The following CLPSL1 variants were observed in gnomAD, a reference collection of about 807,000 sequenced individuals.
The protein encoded by CLPSL1 is colipase-like protein 1.
In CLPSL1, 13 loss-of-function variants were observed where a neutral mutation model predicts 9.3. The observed-to-expected ratio is 1.40, with a 90% CI of 0.91 to 2.22. CLPSL1 has a LOEUF of 2.22. CLPSL1 is among the 30% of genes most tolerant of loss of function. The pLI is 0.00. For missense variants in CLPSL1, 164 were observed against 146.6 expected (o/e 1.12, Z -0.61); for synonymous variants, 58 against 56.9 (o/e 1.02, Z -0.08).
At chr6:35,791,563 G>A (rs143392372), downstream of CLPSL1, among the ~76,000 whole-genome samples, 257 of 152,036 alleles carry the variant, frequency 1.7e-3, no homozygotes, top group African/African-American at 5.7e-3. Flanking sequence ...AGCCGAGATC[G>A]TGCCATTGCA....
rs775598307 is a variant in CLPSL1, at chr6:35,781,083, C to G, written c.-28C>G. 6.2e-7 allele frequency: 1 copy of G among 1,612,314 alleles called. No homozygotes were observed. The highest frequency in any genetic ancestry group is 8.5e-7 in the Non-Finnish European group (1 of 1,179,092). ...GGCGTGCAGGATATTTCGCTGGACC[C>G]TAGAAAAGCCACCACGACCTGTGGG... is the stretch of plus-strand genomic sequence containing the variant. On this transcript the variant is annotated 5_prime_UTR_variant, in exon 1 of 3. Transcript: ENST00000373861.
At chr6:35,784,298 A>T (rs1452057893) in intron 1 of CLPSL1, among the ~76,000 whole-genome samples, 2 of 152,182 alleles carry the variant, frequency 1.3e-5, no homozygotes, top group African/African-American at 4.8e-5. Flanking sequence ...GAGGAGAGCA[A>T]GGTTTTATCA....
chr6:35,783,936 C>T (rs891165579), intron 1 of CLPSL1, among the ~76,000 whole-genome samples: 13 of 151,940 alleles, frequency 8.6e-5, no homozygotes, highest in Admixed American at 6.6e-4. Context: ...AGTGCAGTTA[C>T]TAGTGTGAAC....
downstream of CLPSL1, among the ~76,000 whole-genome samples, chr6:35,791,104 A>C (rs1173667503): frequency 6.6e-6 from 1 of 152,174 alleles, no homozygotes; most frequent in Non-Finnish European, 1.5e-5. Context: ...CCTTCTGCTC[A>C]GAATAATTTT....
downstream of CLPSL1, among the ~76,000 whole-genome samples, chr6:35,791,745 T>G (rs1768214873): frequency 6.6e-6 from 1 of 151,854 alleles, no homozygotes; most frequent in African/African-American, 2.4e-5. Flanking sequence ...AGTGTGGGCA[T>G]CATGGTGAAA....
At chr6:35,786,891 T>G (rs1768084615) in intron 1 of CLPSL1, 107 bp from the exon 2 acceptor site, 1 of 1,376,974 alleles carries the variant, frequency 7.3e-7, no homozygotes, top group Non-Finnish European at 9.9e-7. Flanking sequence ...GAGGTGATGG[T>G]GGGAGCAGAG....
At chr6:35,793,579 G>C (rs765171401) in exon 2 of CLPSL1, 31 of 471,148 alleles carry the variant, frequency 6.6e-5, no homozygotes, top group African/African-American at 1.2e-4. Context: ...TTGAAGAGAA[G>C]GTCAAGAGCT....
downstream of CLPSL1, among the ~76,000 whole-genome samples, chr6:35,790,429 C>T (rs1581956541): frequency 6.6e-6 from 1 of 152,224 alleles, no homozygotes; most frequent in Non-Finnish European, 1.5e-5. Flanking sequence ...AAAACTTTTC[C>T]TCTATCCTCT....
downstream of CLPSL1, among the ~76,000 whole-genome samples, chr6:35,789,226 G>A (rs1294280935): frequency 6.6e-6 from 1 of 152,246 alleles, no homozygotes; most frequent in Non-Finnish European, 1.5e-5. Flanking sequence ...AAGTTCCCAA[G>A]GATACCCAAT....
At chr6:35,785,508 T>A (rs577054391) in intron 1 of CLPSL1, among the ~76,000 whole-genome samples, 1 of 152,140 alleles carries the variant, frequency 6.6e-6, no homozygotes, top group East Asian at 1.9e-4. Context: ...CCTCCATTTT[T>A]TCTCTTAATG....
At chr6:35,782,997 G>A (rs975505779) in intron 1 of CLPSL1, among the ~76,000 whole-genome samples, 2 of 151,922 alleles carry the variant, frequency 1.3e-5, no homozygotes, top group African/African-American at 2.4e-5. Context: ...CACCTTACTA[G>A]GTGCTCAGAT....
At chr6:35,783,253 G>A (rs1366546378) in intron 1 of CLPSL1, among the ~76,000 whole-genome samples, 1 of 152,212 alleles carries the variant, frequency 6.6e-6, no homozygotes, top group Admixed American at 6.5e-5. Flanking sequence ...GCTCACGCCT[G>A]TAATCCTAAC....
At chr6:35,786,109 A>T (rs983903450) in intron 1 of CLPSL1, among the ~76,000 whole-genome samples, 2 of 152,184 alleles carry the variant, frequency 1.3e-5, no homozygotes, top group Non-Finnish European at 2.9e-5. Flanking sequence ...TACTAAAAAT[A>T]CAAAAATTAG....
At chr6:35,782,810 G>T (rs1767990937) in intron 1 of CLPSL1, among the ~76,000 whole-genome samples, 1 of 152,010 alleles carries the variant, frequency 6.6e-6, no homozygotes, top group Non-Finnish European at 1.5e-5. Flanking sequence ...ATGGTGAGGG[G>T]GTACCTGGGG....
At chr6:35,788,311 G>A (rs1310133067), downstream of CLPSL1, among the ~76,000 whole-genome samples, 1 of 152,236 alleles carries the variant, frequency 6.6e-6, no homozygotes, top group African/African-American at 2.4e-5. Flanking sequence ...TCCCCCAGAA[G>A]AGACCAAAGC....
chr6:35,783,504 T>G (rs1285043264), intron 1 of CLPSL1, among the ~76,000 whole-genome samples: 1 of 148,992 alleles, frequency 6.7e-6, no homozygotes, highest in African/African-American at 2.5e-5. Context: ...AGTGAGACTT[T>G]GTCTCAAAAA....
At chr6:35,793,737 C>T (rs1399589252), downstream of CLPSL1, 1 of 374,380 alleles carries the variant, frequency 2.7e-6, no homozygotes, top group Non-Finnish European at 5.3e-6. Flanking sequence ...CCTGTGGTTA[C>T]AGGAGGATTC....
chr6:35,785,412 C>CAG (rs1768049541), intron 1 of CLPSL1, among the ~76,000 whole-genome samples: 1 of 151,794 alleles, frequency 6.6e-6, no homozygotes, highest in African/African-American at 2.4e-5. Context: ...CTCCTGACCT[C>CAG]GTGATCTGCC....
chr6:35,788,843 G>A (rs558624255), downstream of CLPSL1, among the ~76,000 whole-genome samples: 6 of 152,370 alleles, frequency 3.9e-5, no homozygotes, highest in East Asian at 1.9e-4. Flanking sequence ...ATGCTAGCTC[G>A]CTTGTCTGTG....
Sources: allele counts gnomAD v4.1 joint callset (sites outside exome capture counted in the v4.1 genomes callset), GRCh38; gene constraint gnomAD v4.1.1; transcripts MANE v1.5; gene names NCBI Gene and HGNC (gene_info 2026-07-23, HGNC 2026-07-21).